The following CLDN11 variants were observed in gnomAD, a reference collection of about 807,000 sequenced individuals.
The protein encoded by CLDN11 is claudin-11.
In CLDN11, 1 loss-of-function variant was observed where a neutral mutation model predicts 18.0. That is an observed-to-expected ratio of 0.06 (90% CI 0.02 to 0.26). The LOEUF (loss-of-function observed/expected upper bound fraction) is 0.26. Among genes scored for constraint, CLDN11 ranks in the 10% least tolerant of loss-of-function variants. The pLI, the probability that CLDN11 is intolerant of heterozygous loss-of-function variation, is 1.00. For synonymous variants in CLDN11, 116 were observed against 121.5 expected (o/e 0.96, Z 0.30); for missense variants, 172 against 276.6 (o/e 0.62, Z 2.68).
intron 1 of CLDN11, chr3:170,421,270 C>G (rs73163838): frequency 1.1e-4 from 113 of 985,812 alleles, no homozygotes; most frequent in Non-Finnish European, 1.3e-4. Context: ...GGCCTTGGCA[C>G]TGTAGCATGT....
At position 170,433,250 on chromosome 3, in the gene CLDN11, C is replaced by T. The variant is rs1337686519; in HGVS notation, c.*494C>T. The stretch of plus-strand genomic sequence containing the variant: ...CAACCTCCCCGGCTCAAGTGATCCT[C>T]CTGCCTCAGCCTCCCAAGTAGCTGG... On this transcript the variant is annotated 3_prime_UTR_variant, in exon 3 of 3. Transcript: ENST00000064724. 6.7e-6 allele frequency: 1 copy of T among 150,038 alleles called. No homozygotes were observed. The highest frequency in any genetic ancestry group is 2.0e-4 in the East Asian group (1 of 5,092). 9.3% of individuals were successfully genotyped at this position (150,038 alleles called of 1,614,324 possible).
chr3:170,427,706 G>A (rs973716334), intron 2 of CLDN11, among the ~76,000 whole-genome samples: 3 of 152,032 alleles, frequency 2.0e-5, no homozygotes, highest in African/African-American at 7.2e-5. Flanking sequence ...CTACGCAGGA[G>A]GCTGAGGCAC....
intron 1 of CLDN11, 99 bp from the exon 2 acceptor site, chr3:170,423,064 A>G: frequency 1.5e-6 from 2 of 1,296,708 alleles, no homozygotes; most frequent in African/African-American, 1.5e-5. Context: ...ATCCACCAAG[A>G]AGGAGGAAGG....
intron 1 of CLDN11, 105 bp from the exon 2 acceptor site, chr3:170,423,058 A>G (rs2111826): frequency 0.9 from 1,126,719 of 1,257,308 alleles, 505,635 homozygotes; most frequent in East Asian, 1. Context: ...CCTGGAATCC[A>G]CCAAGAAGGA....
chr3:170,424,039 G>A (rs112313747), intron 2 of CLDN11, among the ~76,000 whole-genome samples: 35 of 88,698 alleles, frequency 3.9e-4, no homozygotes, highest in Middle Eastern at 5.7e-3. Context: ...AAAAAAAAAA[G>A]AAAAAGAAAA....
intron 1 of CLDN11, among the ~76,000 whole-genome samples, chr3:170,421,820 T>C (rs1738732191): frequency 6.6e-6 from 1 of 152,272 alleles, no homozygotes; most frequent in Non-Finnish European, 1.5e-5. Flanking sequence ...GTGACACATA[T>C]TGTAATCTGT....
intron 2 of CLDN11, 76 bp from the exon 3 acceptor site, chr3:170,432,448 G>T: frequency 6.3e-7 from 1 of 1,595,434 alleles, no homozygotes; most frequent in Non-Finnish European, 8.5e-7. Context: ...GTGTGTGTAT[G>T]TGGAGTGAGT....
intron 1 of CLDN11, chr3:170,421,374 G>A (rs896046789): frequency 8.2e-6 from 7 of 850,804 alleles, no homozygotes; most frequent in East Asian, 1.2e-4. Flanking sequence ...AGAGGCGGAC[G>A]GCTGGGTCAG....
intron 2 of CLDN11, among the ~76,000 whole-genome samples, chr3:170,428,657 A>G (rs7616830): frequency 0.79 from 120,145 of 152,008 alleles, 47,944 homozygotes; most frequent in East Asian, 0.99. Context: ...CTAAGAATAT[A>G]CCTCAGTTTT....
rs1739068468 is a variant in CLDN11 at position 170,433,705 on chromosome 3, C to T, written c.*949C>T. The T allele has an allele frequency of 6.6e-6, 1 of 152,448 alleles. No individual in the cohort carries two copies. The highest frequency in any genetic ancestry group is 2.4e-5 in the African/African-American group (1 of 41,370). 9.4% of individuals were successfully genotyped at this position (152,448 alleles called of 1,614,324 possible). A position where few individuals can be genotyped will look rare whatever the true frequency, so the allele number is the denominator to read the frequency against. ...TTTCAAGATTGATCATTTTTATAACCATGGTTTTCCTGAAATCCTCAATTC... is the reference window on the plus strand; with the variant it reads ...TTTCAAGATTGATCATTTTTATAACTATGGTTTTCCTGAAATCCTCAATTC... On this transcript the variant is annotated 3_prime_UTR_variant, in exon 3 of 3. Coordinates refer to ENST00000064724, the MANE Select transcript of CLDN11 (RefSeq NM_005602.6).
intron 2 of CLDN11, among the ~76,000 whole-genome samples, chr3:170,431,930 C>A (rs1739013060): frequency 6.6e-6 from 1 of 152,182 alleles, no homozygotes; most frequent in Non-Finnish European, 1.5e-5. Flanking sequence ...AAATTTCATA[C>A]CTTCTCCAGA....
chr3:170,421,499 C>G (rs1353972084), intron 1 of CLDN11, among the ~76,000 whole-genome samples: 1 of 152,170 alleles, frequency 6.6e-6, no homozygotes, highest in East Asian at 1.9e-4. Flanking sequence ...GGAAGAGGGC[C>G]CTTGTGAAGT....
chr3:170,428,037 A>T (rs542374514), intron 2 of CLDN11, among the ~76,000 whole-genome samples: 89 of 150,758 alleles, frequency 5.9e-4, no homozygotes, highest in African/African-American at 2.1e-3. Flanking sequence ...TGCACCTGTG[A>T]TTCCAGCTAC....
At chr3:170,432,467 C>G (rs1233092699) in intron 2 of CLDN11, 57 bp from the exon 3 acceptor site, 1 of 1,604,716 alleles carries the variant, frequency 6.2e-7, no homozygotes, top group South Asian at 1.1e-5. Flanking sequence ...GTGGGCCTGC[C>G]CAAGTGCTTG....
intron 2 of CLDN11, among the ~76,000 whole-genome samples, chr3:170,427,320 G>C (rs1184936370): frequency 6.6e-6 from 1 of 152,138 alleles, no homozygotes; most frequent in East Asian, 1.9e-4. Context: ...TAGAAATGAT[G>C]CTTTTAAAAG....
intron 2 of CLDN11, among the ~76,000 whole-genome samples, chr3:170,428,969 C>T (rs954886485): frequency 2.6e-5 from 4 of 152,042 alleles, no homozygotes; most frequent in Admixed American, 1.3e-4. Flanking sequence ...TTTGGGTTTG[C>T]GAATAAAATT....
At chr3:170,428,063 T>C (rs978845554) in intron 2 of CLDN11, among the ~76,000 whole-genome samples, 13 of 150,204 alleles carry the variant, frequency 8.7e-5, no homozygotes, top group East Asian at 4.0e-4. Flanking sequence ...AGGCTGAGGA[T>C]TGATGCTCGG....
intron 2 of CLDN11, among the ~76,000 whole-genome samples, chr3:170,428,140 C>CAA (rs34713746): frequency 0.047 from 5,068 of 106,794 alleles, 122 homozygotes; most frequent in Non-Finnish European, 0.066. Context: ...GATATCCTAT[C>CAA]AAAAAAAAAA....
intron 2 of CLDN11, among the ~76,000 whole-genome samples, chr3:170,427,940 T>C (rs1242267137): frequency 6.6e-6 from 1 of 151,826 alleles, no homozygotes; most frequent in Non-Finnish European, 1.5e-5. Context: ...GCAGATTGCT[T>C]GAGCCCAGGA....
Sources: gnomAD v4.1 joint callset for allele counts (sites outside exome capture counted in the v4.1 genomes callset) on GRCh38, gnomAD v4.1.1 for gene constraint, MANE v1.5 for transcripts, NCBI Gene and HGNC (gene_info 2026-07-23, HGNC 2026-07-21) for gene names.